The following SMPD3 variants were observed in gnomAD, a reference collection of about 807,000 sequenced individuals.
SMPD3 encodes sphingomyelin phosphodiesterase 3.
SMPD3 carries 21 observed loss-of-function variants against 55.7 expected under a neutral mutation model. The ratio of observed to expected loss-of-function variants is 0.38; its 90% CI spans 0.27 to 0.54. SMPD3 has a LOEUF of 0.54. SMPD3 is among the 20% of genes least tolerant of loss of function. The probability of loss-of-function intolerance (pLI) is 0.80; values close to 1 mark genes in which losing one functional copy is unlikely to be tolerated. For missense variants in SMPD3, 842 were observed against 899.6 expected (o/e 0.94, Z 0.82); for synonymous variants, 457 against 404.3 (o/e 1.13, Z -1.56).
At chr16:68,445,125 GC>G (rs1354550246) in intron 1 of SMPD3, among the ~76,000 whole-genome samples, 1 of 152,348 alleles carries the variant, frequency 6.6e-6, no homozygotes, top group Admixed American at 6.5e-5. Flanking sequence ...CGTATTTGCA[GC>G]TTTTTGCATT....
chr16:68,403,729 G>T (rs1241234215), intron 1 of SMPD3, among the ~76,000 whole-genome samples: 12 of 152,226 alleles, frequency 7.9e-5, no homozygotes, highest in Non-Finnish European at 1.8e-4. Context: ...GCTGAGGTTT[G>T]ATTGTTTGCA....
chr16:68,388,048 C>G (rs575491029), intron 1 of SMPD3, among the ~76,000 whole-genome samples: 2 of 152,200 alleles, frequency 1.3e-5, no homozygotes, highest in Non-Finnish European at 2.9e-5. Context: ...GCTCCCTCCT[C>G]TGTAACATTA....
At chr16:68,368,839 G>C (rs1052896146) in intron 3 of SMPD3, 1 of 152,256 alleles carries the variant, frequency 6.6e-6, no homozygotes, top group Non-Finnish European at 1.5e-5. Context: ...GCTCACTGCA[G>C]CCGCGTGGGG....
intron 2 of SMPD3, chr16:68,382,309 A>G (rs1567793452): frequency 6.6e-6 from 1 of 152,258 alleles, no homozygotes; most frequent in Non-Finnish European, 1.5e-5. Flanking sequence ...GATAGAGACA[A>G]AGCCCAGAGG....
intron 1 of SMPD3, among the ~76,000 whole-genome samples, chr16:68,435,004 A>G (rs1684807453): frequency 6.6e-6 from 1 of 152,046 alleles, no homozygotes; most frequent in Admixed American, 6.6e-5. Flanking sequence ...AGATGAAGGG[A>G]TTGTCCAGGC....
At chr16:68,393,887 T>G (rs912880362) in intron 1 of SMPD3, among the ~76,000 whole-genome samples, 1 of 152,248 alleles carries the variant, frequency 6.6e-6, no homozygotes, top group African/African-American at 2.4e-5. Flanking sequence ...GGAGCATAAC[T>G]GATGTGGTTA....
intron 1 of SMPD3, among the ~76,000 whole-genome samples, chr16:68,420,584 G>A (rs1168516094): frequency 2.6e-5 from 4 of 152,214 alleles, no homozygotes; most frequent in Admixed American, 1.3e-4. Flanking sequence ...GGCCAGGTGA[G>A]TTAAGTGGCT....
chr16:68,431,434 A>G (rs544455592), intron 1 of SMPD3, among the ~76,000 whole-genome samples: 64 of 152,176 alleles, frequency 4.2e-4, no homozygotes, highest in African/African-American at 1.2e-3. Context: ...GTGAGAGGAG[A>G]AGGGATGTGG....
Position 68,437,064 on chromosome 16 carries a change from C to T in SMPD3, c.-269+11289G>A, listed in dbSNP as rs530690192. ...GGGAATGTCATGAAGTGGCCATGTG[C>T]ATTTGCACATTTTCTACACTGCATC... On this transcript the variant is annotated intron_variant, in intron 1 of 8. Coordinates refer to ENST00000219334, the MANE Select transcript of SMPD3 (RefSeq NM_018667.4). Among the ~76,000 whole-genome samples the T allele has an allele frequency of 8.5e-5, 13 of 152,352 alleles. No homozygotes were observed. In the South Asian group the frequency reaches 2.7e-3, roughly 32 times the overall value.
chr16:68,361,022 C>T lies in SMPD3; in HGVS notation c.*184G>A, dbSNP rs187672034. On this transcript the variant is annotated 3_prime_UTR_variant, in exon 9 of 9. Coordinates refer to ENST00000219334, the MANE Select transcript of SMPD3 (RefSeq NM_018667.4). ...GAGGCTCCTGGGGCGGGCCTGACTC[C>T]TCTGTCCACAGTGAGGCCCAGAGGC... The T allele has an allele frequency of 2.9e-5, 17 of 593,232 alleles. No homozygotes were observed. The highest frequency in any genetic ancestry group is 4.7e-5 in the Non-Finnish European group (16 of 338,694). 36.7% of individuals were successfully genotyped at this position (593,232 alleles called of 1,614,324 possible). A position where few individuals can be genotyped will look rare whatever the true frequency, so the allele number is the denominator to read the frequency against.
intron 2 of SMPD3, among the ~76,000 whole-genome samples, chr16:68,385,109 C>T (rs2090028994): frequency 6.6e-6 from 1 of 152,192 alleles, no homozygotes; most frequent in African/African-American, 2.4e-5. Flanking sequence ...ATGCTTTTCA[C>T]ACTGGGGGTG....
Position 68,363,609 on chromosome 16 carries a change from A to T in SMPD3, c.1646-50T>A, listed in dbSNP as rs1291840396. On this transcript the variant is annotated intron_variant, in intron 6 of 8. Coordinates refer to ENST00000219334, the MANE Select transcript of SMPD3 (RefSeq NM_018667.4). ...TGGTCGCTGCAGGCAGGGCCCAGGCAGCCTCTAGGGGGTGGCCTCTGTGGG... is the reference window on the plus strand; with the variant it reads ...TGGTCGCTGCAGGCAGGGCCCAGGCTGCCTCTAGGGGGTGGCCTCTGTGGG... The T allele has an allele frequency of 2.5e-6, 4 of 1,571,640 alleles. No homozygotes were observed. In the Admixed American group the frequency reaches 6.7e-5, roughly 26 times the overall value.
At chr16:68,405,173 C>T (rs2090242953) in intron 1 of SMPD3, among the ~76,000 whole-genome samples, 1 of 152,142 alleles carries the variant, frequency 6.6e-6, no homozygotes, top group Admixed American at 6.5e-5. Context: ...CCTCGGGACT[C>T]ATGGCTGCTC....
At chr16:68,370,798 T>A in intron 3 of SMPD3, 61 bp downstream of exon 3, 1 of 1,593,168 alleles carries the variant, frequency 6.3e-7, no homozygotes, top group South Asian at 1.1e-5. Context: ...GCAGCCCCCC[T>A]GCCTACATGG....
intron 2 of SMPD3, among the ~76,000 whole-genome samples, chr16:68,385,584 C>A (rs1463831292): frequency 6.6e-6 from 1 of 152,156 alleles, no homozygotes; most frequent in Non-Finnish European, 1.5e-5. Context: ...CCTTGGATCC[C>A]CAAATCTCCC....
chr16:68,374,172 A>G (rs1567788213), intron 2 of SMPD3, among the ~76,000 whole-genome samples: 1 of 152,282 alleles, frequency 6.6e-6, no homozygotes, highest in East Asian at 1.9e-4. Context: ...ATGGGGGATG[A>G]GGGGAGGTTC....
At position 68,447,368 on chromosome 16, in the gene SMPD3, C is replaced by A. The variant is rs1191012683; in HGVS notation, c.-269+985G>T. On this transcript the variant is annotated intron_variant, in intron 1 of 8. Coordinates refer to ENST00000219334, the MANE Select transcript of SMPD3 (RefSeq NM_018667.4). The surrounding 1 kb of genome is among the most constrained non-coding windows in gnomAD (Gnocchi z 5.1). ...CCCGCCCCGTCCCGCTCTGTACATG[C>A]CCATCTGGGATTGGCCCCCAGCTGC... 2.6e-5 allele frequency among the ~76,000 whole-genome samples: 4 copies of A among 152,218 alleles called. No homozygotes were observed. The highest frequency in any genetic ancestry group is 5.9e-5 in the Non-Finnish European group (4 of 68,030).
chr16:68,433,155 G>A (rs2090493657), intron 1 of SMPD3, among the ~76,000 whole-genome samples: 1 of 152,244 alleles, frequency 6.6e-6, no homozygotes, highest in African/African-American at 2.4e-5. Flanking sequence ...ATGTAAGTCA[G>A]AGAGAGCCAT....
chr16:68,386,716 G>A (rs985163699), intron 1 of SMPD3, 57 bp from the exon 2 acceptor site: 6 of 152,354 alleles, frequency 3.9e-5, no homozygotes, highest in African/African-American at 1.4e-4. Flanking sequence ...GAGCTCACCT[G>A]ACAGCCACCG....
Sources: gnomAD v4.1 joint callset for allele counts (sites outside exome capture counted in the v4.1 genomes callset) on GRCh38, gnomAD v4.1.1 for gene constraint, Gnocchi (gnomAD v3.1) non-coding constraint, MANE v1.5 for transcripts, NCBI Gene and HGNC (gene_info 2026-07-23, HGNC 2026-07-21) for gene names.